Variants in JADE1 observed in about 807,000 individuals in gnomAD.
The protein encoded by JADE1 is protein Jade-1.
JADE1 carries 14 observed loss-of-function variants against 81.8 expected under a neutral mutation model. That is an observed-to-expected ratio of 0.17 (90% CI 0.11 to 0.27). The LOEUF is 0.27. Among genes scored for constraint, JADE1 ranks in the 10% least tolerant of loss-of-function variants. The probability of loss-of-function intolerance (pLI) is 1.00; values close to 1 mark genes in which losing one functional copy is unlikely to be tolerated. For synonymous variants in JADE1, 353 were observed against 391.9 expected, an observed-to-expected ratio of 0.90 and a Z score of 1.17; for missense variants, 690 against 1,047.9, an observed-to-expected ratio of 0.66 and a Z score of 4.71.
chr4:128,870,517 A>G (rs1732111349), intron 10 of JADE1, among the ~76,000 whole-genome samples: 1 of 151,976 alleles, frequency 6.6e-6, no homozygotes, highest in African/African-American at 2.4e-5. Context: ...AGGGGTAACA[A>G]CTCATTAGTG....
intron 4 of JADE1, among the ~76,000 whole-genome samples, chr4:128,847,059 G>T (rs147935724): frequency 6.6e-6 from 1 of 152,132 alleles, no homozygotes; most frequent in Non-Finnish European, 1.5e-5. Context: ...ATTTTGACTG[G>T]TCACATTATT....
chr4:128,835,736 GGCAGCTGCAGACGTCAGCAT>G (rs748474900), intron 2 of JADE1, among the ~76,000 whole-genome samples: 2 of 152,242 alleles, frequency 1.3e-5, no homozygotes, highest in Non-Finnish European at 2.9e-5. Flanking sequence ...GTGAAGGAGA[GGCAGCTGCAGACGTCAGCAT>G]GGGGCTGCAG....
At chr4:128,840,531 C>T (rs1057237348) in intron 2 of JADE1, among the ~76,000 whole-genome samples, 11 of 152,184 alleles carry the variant, frequency 7.2e-5, no homozygotes, top group African/African-American at 2.2e-4. Context: ...CCAGACACTG[C>T]GTGTGCTTTT....
rs762232373 is a variant in JADE1, at chr4:128,857,475, G to A, written c.981+21G>A. ...TACAGGTAATTAGCTTCCTAAGAAT[G>A]GCTTCATTTTCCTTTCCTGCGTGGT... On this transcript the variant is annotated intron_variant, in intron 8 of 10. Coordinates refer to ENST00000226319, the MANE Select transcript of JADE1 (RefSeq NM_199320.4). The A allele has an allele frequency of 1.9e-6, 3 of 1,575,954 alleles. No homozygotes were observed. In the Admixed American group the frequency reaches 5.0e-5, roughly 26 times the overall value.
intron 9 of JADE1, chr4:128,862,869 G>A: frequency 1.0e-6 from 1 of 988,456 alleles, no homozygotes; most frequent in Non-Finnish European, 1.2e-6. Flanking sequence ...ACTCCTGGCA[G>A]TGAGGTGCTA....
At chr4:128,867,124 G>A (rs556104315) in intron 9 of JADE1, among the ~76,000 whole-genome samples, 90 of 152,282 alleles carry the variant, frequency 5.9e-4, no homozygotes, top group Middle Eastern at 3.4e-3. Context: ...AATCGGGAGA[G>A]GGCAATACCA....
rs1304326092 is a variant in JADE1 at position 128,861,980 on chromosome 4, C to T, written c.1258C>T (p.Leu420=). 1.9e-6 allele frequency: 3 copies of T among 1,613,874 alleles called. No homozygotes were observed. The highest frequency in any genetic ancestry group is 2.5e-6 in the Non-Finnish European group (3 of 1,179,960). The change falls in exon 9 of 11, where the codon CTG becomes TTG. Residue 420 remains leucine, a synonymous_variant. Coordinates refer to ENST00000226319, the MANE Select transcript of JADE1 (RefSeq NM_199320.4). Reference sequence around the variant, plus strand: ...CCGGGTGAGTGTCCGTAAGCAGAAGCTGCAGCAGTTGGAGGATGAGTTCTA... The same window carrying T: ...CCGGGTGAGTGTCCGTAAGCAGAAGTTGCAGCAGTTGGAGGATGAGTTCTA... The part of the protein sequence containing the change: ...AHRVSVRKQK[L]QQLEDEFYTF...
chr4:128,850,409 G>C (rs1477375231), intron 5 of JADE1, among the ~76,000 whole-genome samples: 1 of 152,180 alleles, frequency 6.6e-6, no homozygotes, highest in Non-Finnish European at 1.5e-5. Flanking sequence ...GTAGCATAGG[G>C]TGTGGCTTGC....
intron 1 of JADE1, among the ~76,000 whole-genome samples, chr4:128,814,838 C>G (rs1407532571): frequency 6.6e-6 from 1 of 152,018 alleles, no homozygotes; most frequent in Non-Finnish European, 1.5e-5. Context: ...GCTGGGATTA[C>G]AGGCGTGAGC....
intron 9 of JADE1, 123 bp downstream of exon 9, chr4:128,862,348 A>G: frequency 1.3e-6 from 2 of 1,481,834 alleles, no homozygotes; most frequent in Admixed American, 2.5e-5. Flanking sequence ...ACACCACAGC[A>G]TGAGGTTGTG....
intron 9 of JADE1, chr4:128,863,399 G>A: frequency 3.0e-6 from 3 of 985,500 alleles, no homozygotes; most frequent in Non-Finnish European, 3.6e-6. Context: ...TACCCAAGTG[G>A]CCTGAAACAG....
chr4:128,834,449 T>C (rs1728802411), intron 2 of JADE1, among the ~76,000 whole-genome samples: 1 of 152,106 alleles, frequency 6.6e-6, no homozygotes, highest in Admixed American at 6.5e-5. Flanking sequence ...CATTCTGAGA[T>C]TGGAGGTTAG....
chr4:128,842,195 T>C (rs1038543199), intron 2 of JADE1, among the ~76,000 whole-genome samples: 2 of 152,218 alleles, frequency 1.3e-5, no homozygotes, highest in African/African-American at 4.8e-5. Flanking sequence ...GTTCCCTGTC[T>C]AGGGATTGCT....
chr4:128,829,827 G>C (rs1004563785), intron 1 of JADE1, among the ~76,000 whole-genome samples: 1 of 152,044 alleles, frequency 6.6e-6, no homozygotes, highest in Non-Finnish European at 1.5e-5. Context: ...TTTTAGAGTG[G>C]AGCTTTGGTT....
At chr4:128,835,247 T>C (rs1728889821) in intron 2 of JADE1, among the ~76,000 whole-genome samples, 1 of 152,212 alleles carries the variant, frequency 6.6e-6, no homozygotes, top group Admixed American at 6.5e-5. Flanking sequence ...TGGTTCAATA[T>C]AAAGTATATA....
chr4:128,822,313 G>C (rs1454614498), intron 1 of JADE1, among the ~76,000 whole-genome samples: 1 of 152,142 alleles, frequency 6.6e-6, no homozygotes, highest in Non-Finnish European at 1.5e-5. Context: ...TTTGCACTTA[G>C]CAGAGATCAC....
chr4:128,838,708 A>C (rs1729190749), intron 2 of JADE1, among the ~76,000 whole-genome samples: 1 of 152,170 alleles, frequency 6.6e-6, no homozygotes, highest in African/African-American at 2.4e-5. Context: ...ATTTTCCAGA[A>C]AGTGTTTATA....
At chr4:128,830,983 A>G (rs1323334179) in intron 1 of JADE1, among the ~76,000 whole-genome samples, 6 of 152,100 alleles carry the variant, frequency 3.9e-5, no homozygotes, top group South Asian at 2.1e-4. Context: ...ATTTGGGTCT[A>G]TTTGTCCTGA....
At chr4:128,811,656 G>T (rs1407217238) in intron 1 of JADE1, among the ~76,000 whole-genome samples, 5 of 145,938 alleles carry the variant, frequency 3.4e-5, no homozygotes, top group Non-Finnish European at 7.6e-5. Context: ...TTGCGGGGGC[G>T]GGGACGCCCG....
Sources: allele counts gnomAD v4.1 joint callset (sites outside exome capture counted in the v4.1 genomes callset), GRCh38; gene constraint gnomAD v4.1.1; transcripts MANE v1.5; gene names NCBI Gene and HGNC (gene_info 2026-07-23, HGNC 2026-07-21).